NDRG4: variants seen among roughly 807,000 people sequenced by gnomAD.
NDRG4 encodes protein NDRG4.
NDRG4 carries 38 observed loss-of-function variants against 55.8 expected under a neutral mutation model. The observed-to-expected ratio is 0.68, with a 90% CI of 0.53 to 0.89. The LOEUF (loss-of-function observed/expected upper bound fraction) is 0.89, where lower values mean the gene tolerates loss of function less well. Among genes scored for constraint, NDRG4 ranks in the 40% least tolerant of loss-of-function variants. The probability of loss-of-function intolerance (pLI) is 0.00; values close to 1 mark genes in which losing one functional copy is unlikely to be tolerated. For missense variants in NDRG4, 455 were observed against 468.6 expected (o/e 0.97, Z 0.27); for synonymous variants, 190 against 182.7 (o/e 1.04, Z -0.32).
intron 1 of NDRG4, among the ~76,000 whole-genome samples, chr16:58,467,950 G>C (rs1374840393): frequency 1.3e-5 from 2 of 152,300 alleles, no homozygotes; most frequent in Non-Finnish European, 2.9e-5. Context: ...CTCCCCGCAG[G>C]GTGTTCCAGT....
At chr16:58,482,608 T>G (rs1298642003) in intron 1 of NDRG4, among the ~76,000 whole-genome samples, 1 of 151,896 alleles carries the variant, frequency 6.6e-6, no homozygotes, top group Non-Finnish European at 1.5e-5. Flanking sequence ...ATTTTCATTT[T>G]TTTTCTCCTC....
chr16:58,510,985 A>G, intron 14 of NDRG4: 1 of 534,946 alleles, frequency 1.9e-6, no homozygotes, highest in Non-Finnish European at 3.4e-6. Context: ...CCTGAGCCAC[A>G]TAGGTGGCCA....
intron 2 of NDRG4, among the ~76,000 whole-genome samples, chr16:58,491,523 C>T (rs960936208): frequency 1.3e-5 from 2 of 151,460 alleles, no homozygotes; most frequent in East Asian, 2.0e-4. Flanking sequence ...TGCAATGGCG[C>T]GATCTCAGCT....
intron 1 of NDRG4, 78 bp downstream of exon 1, chr16:58,500,347 C>A: frequency 1.3e-6 from 2 of 1,495,564 alleles, no homozygotes; most frequent in Non-Finnish European, 8.9e-7. Context: ...GGAGGAAGTG[C>A]CCCCCTCAAC....
In NDRG4 at chr16:58,464,078, A is replaced by C; in HGVS notation, c.-24+281A>C. ...CGCGACCCCCCACCGCGACGCCCGG[A>C]GGCGGCGGGGTCTCTTTGTTCGGGC... On this transcript the variant is annotated intron_variant, in intron 1 of 15. Coordinates refer to the NDRG4 transcript ENST00000258187. This position sits in a 1 kb window ranked among gnomAD's most constrained non-coding sequence, Gnocchi z 4.8. 4.2e-6 allele frequency: 1 copy of C among 236,544 alleles called. No homozygotes were observed. The highest frequency in any genetic ancestry group is 8.1e-6 in the Non-Finnish European group (1 of 123,320). 14.7% of individuals were successfully genotyped at this position (236,544 alleles called of 1,614,324 possible).
chr16:58,508,075 C>A, intron 10 of NDRG4, 76 bp downstream of exon 10: 1 of 1,380,852 alleles, frequency 7.2e-7, no homozygotes, highest in Non-Finnish European at 9.8e-7. Context: ...CCAGCAGGGA[C>A]AATTCTTGAT....
intron 1 of NDRG4, among the ~76,000 whole-genome samples, chr16:58,465,402 A>G (rs895397101): frequency 5.9e-5 from 9 of 152,238 alleles, no homozygotes; most frequent in African/African-American, 2.2e-4. Flanking sequence ...CAGCTTTTGA[A>G]GACCTCGAAA....
intron 8 of NDRG4, 25 bp downstream of exon 8, chr16:58,507,040 G>T: frequency 6.3e-7 from 1 of 1,587,922 alleles, no homozygotes; most frequent in Non-Finnish European, 8.6e-7. Flanking sequence ...AGCAGCCCTG[G>T]GACCCAGCAC....
In NDRG4 at chr16:58,468,552, C is replaced by G. The variant is rs549897750; in HGVS notation, c.-24+4755C>G. ...CCTGGTCAACATGGCGAAACCCCGTCTCTACCAAAAATACAAAAATGAACC... is the reference window on the plus strand; with the variant it reads ...CCTGGTCAACATGGCGAAACCCCGTGTCTACCAAAAATACAAAAATGAACC... On this transcript the variant is annotated intron_variant, in intron 1 of 15. Coordinates refer to the NDRG4 transcript ENST00000258187. 4.9e-4 allele frequency among the ~76,000 whole-genome samples: 74 copies of G among 151,644 alleles called. 1 individual carries two copies. The highest frequency in any genetic ancestry group is 1.2e-3 in the Admixed American group (18 of 15,266).
At chr16:58,492,983 T>G (rs754947) in intron 2 of NDRG4, among the ~76,000 whole-genome samples, 2,547 of 152,192 alleles carry the variant, frequency 0.017, 53 homozygotes, top group African/African-American at 0.058. Flanking sequence ...GGCCATTCTC[T>G]ATGTGACAGT....
intron 13 of NDRG4, 82 bp downstream of exon 13, chr16:58,509,434 G>A (rs2038489029): frequency 6.9e-7 from 1 of 1,458,462 alleles, no homozygotes; most frequent in Non-Finnish European, 9.5e-7. Flanking sequence ...TGTTTGCAGG[G>A]CTGGCACGTG....
At chr16:58,467,741 G>A (rs903600315) in intron 1 of NDRG4, among the ~76,000 whole-genome samples, 5 of 152,144 alleles carry the variant, frequency 3.3e-5, no homozygotes, top group Admixed American at 2.6e-4. Context: ...CTGTAAAATG[G>A]GATCGTCGTG....
At position 58,509,293 on chromosome 16, in the gene NDRG4, C is replaced by T; in HGVS notation, c.814-8C>T. 2 of 1,614,068 alleles carry T rather than the reference C, an allele frequency of 1.2e-6. No homozygotes were observed. Among genetic ancestry groups the T allele is most frequent in the South Asian group, 1.1e-5 (1 of 91,086 alleles). On this transcript the variant is annotated splice_polypyrimidine_tract_variant and splice_region_variant and intron_variant, in intron 12 of 14. Coordinates refer to ENST00000570248, the MANE Select transcript of NDRG4 (RefSeq NM_001242835.2). ...AATGAAAGCATGTGCTTGTCCTGCC[C>T]TCCGCAGCCAGGGAAGCTGACTGAA...
At position 58,503,903 on chromosome 16, in the gene NDRG4, C is replaced by T. The variant is rs375101369; in HGVS notation, c.127C>T (p.His43Tyr). The T allele has an allele frequency of 1.4e-5, 23 of 1,613,444 alleles. No homozygotes were observed. The highest frequency in any genetic ancestry group is 6.7e-5 in the East Asian group (3 of 44,870). Reference protein sequence around the residue: ...ILTYHDVGLNHKLCFNTFFNF... With the variant: ...ILTYHDVGLNYKLCFNTFFNF... ...CACCTACCATGATGTGGGCCTCAAC[C>T]GTAAGTGCAGCCCAGCCTCAGTCAG... is the stretch of plus-strand genomic sequence containing the variant. The change falls in exon 2 of 15, where the codon CAC becomes TAC. Residue 43 changes from histidine to tyrosine, a missense_variant and splice_region_variant. His to Tyr is a moderately conservative substitution (Grantham distance 83). Coordinates refer to ENST00000570248, the MANE Select transcript of NDRG4 (RefSeq NM_001242835.2).
chr16:58,513,575 C>T lies in NDRG4; in HGVS notation c.*1999C>T, dbSNP rs971340692. The T allele has an allele frequency of 6.8e-6, 1 of 146,794 alleles. No homozygotes were observed. The highest frequency in any genetic ancestry group is 1.5e-5 in the Non-Finnish European group (1 of 66,118). The allele number at this position is 146,794 out of a possible 1,614,324, so 9.1% of individuals were successfully genotyped here. A position where few individuals can be genotyped will look rare whatever the true frequency, so the allele number is the denominator to read the frequency against. ...TCCAGTACACGTCACATTATTTTAC[C>T]GGTGAGATGAGAATGTCACAAACAT... is the stretch of plus-strand genomic sequence containing the variant. On this transcript the variant is annotated 3_prime_UTR_variant, in exon 15 of 15. Coordinates refer to ENST00000570248, the MANE Select transcript of NDRG4 (RefSeq NM_001242835.2).
chr16:58,470,859 A>T (rs1168306734), intron 1 of NDRG4, among the ~76,000 whole-genome samples: 1 of 137,382 alleles, frequency 7.3e-6, no homozygotes, highest in Non-Finnish European at 1.5e-5. Flanking sequence ...GTGAGCTGAG[A>T]TTGTGCCACT....
In NDRG4 at chr16:58,511,475, A is replaced by G. The variant is rs774016849; in HGVS notation, c.958A>G (p.Ser320Gly). Residue 320 changes from serine to glycine, a missense_variant, in exon 15 of 15, where the codon AGT becomes GGT. Ser to Gly is a moderately conservative substitution (Grantham distance 56, BLOSUM62 0). Coordinates refer to ENST00000570248, the MANE Select transcript of NDRG4 (RefSeq NM_001242835.2). ...LARSRTASLT[S>G]ASSVDGSRPQ... ...ACGCTCCCGCACTGCATCCCTCACC[A>G]GTGCCAGCTCGGTGGATGGCAGCCG... is the stretch of plus-strand genomic sequence containing the variant. 9.9e-6 allele frequency: 16 copies of G among 1,612,710 alleles called. 1 individual carries two copies. Among genetic ancestry groups the G allele is most frequent in the Non-Finnish European group, 8.5e-6 (10 of 1,179,940 alleles).
intron 3 of NDRG4, 30 bp downstream of exon 3, chr16:58,504,304 T>C: frequency 6.2e-7 from 1 of 1,614,014 alleles, no homozygotes. Flanking sequence ...TCTGCCTGTC[T>C]CCAGCTCTGC....
intron 1 of NDRG4, among the ~76,000 whole-genome samples, chr16:58,483,449 A>C (rs1265661934): frequency 6.6e-6 from 1 of 152,154 alleles, no homozygotes; most frequent in East Asian, 1.9e-4. Context: ...AATTCCTCTT[A>C]AGGAATCCAT....
Sources: gnomAD v4.1 joint callset for allele counts (sites outside exome capture counted in the v4.1 genomes callset) on GRCh38, gnomAD v4.1.1 for gene constraint, Gnocchi (gnomAD v3.1) non-coding constraint, MANE v1.5 for transcripts, NCBI Gene and HGNC (gene_info 2026-07-23, HGNC 2026-07-21) for gene names.